The following GLRB variants were observed in gnomAD, a reference collection of about 807,000 sequenced individuals.
The protein encoded by GLRB is glycine receptor subunit beta.
In GLRB, 33 loss-of-function variants were observed where a neutral mutation model predicts 54.2. That is an observed-to-expected ratio of 0.61 (90% CI 0.46 to 0.81). GLRB has a LOEUF of 0.81. GLRB is among the 40% of genes least tolerant of loss of function. The probability of loss-of-function intolerance (pLI) is 0.00; values close to 1 mark genes in which losing one functional copy is unlikely to be tolerated. For synonymous variants in GLRB, 209 were observed against 208.2 expected, an observed-to-expected ratio of 1.00 and a Z score of -0.03; for missense variants, 572 against 584.6, an observed-to-expected ratio of 0.98 and a Z score of 0.22.
intron 8 of GLRB, among the ~76,000 whole-genome samples, chr4:157,144,538 T>C (rs761243936): frequency 2.6e-5 from 4 of 152,334 alleles, no homozygotes; most frequent in South Asian, 2.1e-4. Flanking sequence ...GTATAATGGC[T>C]AAAAAGCCTT....
intron 8 of GLRB, among the ~76,000 whole-genome samples, chr4:157,149,900 A>G (rs1736954950): frequency 6.7e-6 from 1 of 148,262 alleles, no homozygotes; most frequent in Non-Finnish European, 1.5e-5. Flanking sequence ...TCTAGTTTTC[A>G]ATTTTTCTCT....
chr4:157,089,647 C>T (rs1443171321), intron 2 of GLRB, among the ~76,000 whole-genome samples: 1 of 152,096 alleles, frequency 6.6e-6, no homozygotes. Flanking sequence ...TCCTTCCTGA[C>T]ATATTGAGTT....
Position 157,167,879 on chromosome 4 carries a change from C to T in GLRB, c.1198-2553C>T, listed in dbSNP as rs901461932. On this transcript the variant is annotated intron_variant, in intron 9 of 9. Transcript: ENST00000264428. ...GCAGGAAAGCTGGCATGTCAGATGG[C>T]AAGAGTGGGAGTGAGAGGGAGGGCA... 3.9e-5 allele frequency among the ~76,000 whole-genome samples: 6 copies of T among 152,080 alleles called. No individual in the cohort carries two copies. The South Asian group carries it at 1.2e-3, about 32-fold the overall frequency.
intron 2 of GLRB, among the ~76,000 whole-genome samples, chr4:157,116,565 A>G (rs1402481710): frequency 6.6e-6 from 1 of 151,736 alleles, no homozygotes; most frequent in African/African-American, 2.4e-5. Context: ...TCTAAATTAT[A>G]AGGAGATATA....
chr4:157,153,649 TG>T (rs1469305060), intron 9 of GLRB, among the ~76,000 whole-genome samples: 1 of 152,188 alleles, frequency 6.6e-6, no homozygotes, highest in Non-Finnish European at 1.5e-5. Context: ...TTAAGAATAG[TG>T]GGCAATGGTA....
At chr4:157,111,420 A>G (rs66866425) in intron 2 of GLRB, among the ~76,000 whole-genome samples, 63,932 of 151,784 alleles carry the variant, frequency 0.42, 15,870 homozygotes, top group African/African-American at 0.7. Flanking sequence ...ATGTGCAAAA[A>G]CTGAGATGCT....
chr4:157,159,700 ATAACCTTTTTGATG>A (rs1320272148), intron 9 of GLRB, among the ~76,000 whole-genome samples: 1 of 152,170 alleles, frequency 6.6e-6, no homozygotes, highest in African/African-American at 2.4e-5. Context: ...ATCATGGTGG[ATAACCTTTTTGATG>A]TGCTGCTGGA....
chr4:157,107,130 A>T (rs1174320417), intron 2 of GLRB, among the ~76,000 whole-genome samples: 1 of 151,980 alleles, frequency 6.6e-6, no homozygotes, highest in East Asian at 1.9e-4. Flanking sequence ...AAATTTACTA[A>T]ATGTGGTGTG....
chr4:157,157,269 T>G (rs1321345671), intron 9 of GLRB, among the ~76,000 whole-genome samples: 5 of 152,208 alleles, frequency 3.3e-5, no homozygotes, highest in Non-Finnish European at 7.4e-5. Flanking sequence ...GCCTTGTTAC[T>G]GGTCTACAGT....
rs1448355315 is a variant in GLRB at position 157,170,929 on chromosome 4, A to C, written c.*201A>C. ...TCTGTGCTCTAATAACGATGTATAT[A>C]TGTATAGTGAACATATTGCTTAGTA... On this transcript the variant is annotated 3_prime_UTR_variant, in exon 10 of 10. Transcript: ENST00000264428. The C allele has an allele frequency of 4.1e-6, 2 of 488,028 alleles. No homozygotes were observed. The highest frequency in any genetic ancestry group is 7.2e-6 in the Non-Finnish European group (2 of 276,246). 30.2% of individuals were successfully genotyped at this position (488,028 alleles called of 1,614,324 possible).
chr4:157,113,544 G>T (rs928108496), intron 2 of GLRB, among the ~76,000 whole-genome samples: 1 of 151,944 alleles, frequency 6.6e-6, no homozygotes, highest in Non-Finnish European at 1.5e-5. Context: ...CCTTCAATGA[G>T]ATTTGCAAAT....
intron 2 of GLRB, among the ~76,000 whole-genome samples, chr4:157,089,839 A>G (rs967084881): frequency 2.0e-5 from 3 of 152,096 alleles, no homozygotes; most frequent in African/African-American, 7.2e-5. Flanking sequence ...CAACATATTA[A>G]ACTGGCTTTC....
chr4:157,094,089 T>C (rs944021355), intron 2 of GLRB, among the ~76,000 whole-genome samples: 2 of 152,216 alleles, frequency 1.3e-5, no homozygotes, highest in Non-Finnish European at 2.9e-5. Flanking sequence ...TTAAACCTTT[T>C]TGAAGTATGT....
intron 2 of GLRB, among the ~76,000 whole-genome samples, chr4:157,106,391 TACA>T (rs1220480071): frequency 6.6e-6 from 1 of 152,110 alleles, no homozygotes; most frequent in African/African-American, 2.4e-5. Flanking sequence ...TCAACTTGAC[TACA>T]ACAAGGAATA....
chr4:157,127,030 T>C (rs1207627200), intron 4 of GLRB, among the ~76,000 whole-genome samples: 1 of 151,846 alleles, frequency 6.6e-6, no homozygotes, highest in Non-Finnish European at 1.5e-5. Context: ...TTGCAACTCC[T>C]TTTGGGAAAC....
intron 9 of GLRB, among the ~76,000 whole-genome samples, chr4:157,166,764 A>G (rs976977278): frequency 2.3e-4 from 35 of 152,184 alleles, no homozygotes; most frequent in African/African-American, 8.2e-4. Context: ...TTGTAATGTT[A>G]TGGCTTCAAC....
intron 7 of GLRB, 81 bp from the exon 8 acceptor site, chr4:157,143,726 A>G: frequency 7.2e-7 from 1 of 1,392,966 alleles, no homozygotes; most frequent in South Asian, 1.2e-5. Flanking sequence ...GAAGTGACTT[A>G]CCGTTTCCAG....
At chr4:157,114,146 T>A (rs2126514032) in intron 2 of GLRB, among the ~76,000 whole-genome samples, 1 of 152,072 alleles carries the variant, frequency 6.6e-6, no homozygotes, top group East Asian at 1.9e-4. Flanking sequence ...AATGCTGAAC[T>A]TTTAATACCT....
intron 2 of GLRB, among the ~76,000 whole-genome samples, chr4:157,097,520 G>A (rs1374715196): frequency 6.6e-6 from 1 of 152,092 alleles, no homozygotes; most frequent in East Asian, 1.9e-4. Context: ...TACAAAATTT[G>A]TTTCTATTGC....
Sources: allele counts gnomAD v4.1 joint callset (sites outside exome capture counted in the v4.1 genomes callset), GRCh38; gene constraint gnomAD v4.1.1; transcripts MANE v1.5; gene names NCBI Gene and HGNC (gene_info 2026-07-23, HGNC 2026-07-21).